TRIM25: variants seen among roughly 807,000 people sequenced by gnomAD.
The protein encoded by TRIM25 is E3 ubiquitin/ISG15 ligase TRIM25.
Under a neutral mutation model 65.2 loss-of-function variants are expected in TRIM25, and 45 were observed. That is an observed-to-expected ratio of 0.69 (90% CI 0.54 to 0.89). The LOEUF (loss-of-function observed/expected upper bound fraction) is 0.89. Ranked by LOEUF, TRIM25 falls within the 40% of genes least tolerant of loss-of-function variation. The pLI is 0.00. For missense variants in TRIM25, 714 were observed against 803.7 expected, an observed-to-expected ratio of 0.89 and a Z score of 1.35; for synonymous variants, 321 against 340.4, an observed-to-expected ratio of 0.94 and a Z score of 0.63.
chr17:56,908,989 A>G (rs749506748), intron 1 of TRIM25, among the ~76,000 whole-genome samples: 1 of 152,046 alleles, frequency 6.6e-6, no homozygotes, highest in Non-Finnish European at 1.5e-5. Context: ...CTAATTACCC[A>G]TTTTACAGCC....
Position 56,890,642 on chromosome 17 carries a change from G to C in TRIM25, c.*1058C>G. Reference sequence around the variant, plus strand: ...CCTGTCTGCATGATAGCAGGCTTCAGGGATCCAGCTTAGCTGGAGGCTTGA... The same window carrying C: ...CCTGTCTGCATGATAGCAGGCTTCACGGATCCAGCTTAGCTGGAGGCTTGA... On this transcript the variant is annotated 3_prime_UTR_variant, in exon 9 of 9. Transcript: ENST00000316881. 1 of 456,686 alleles carries C rather than the reference G, an allele frequency of 2.2e-6. No homozygotes were observed. The highest frequency in any genetic ancestry group is 4.4e-6 in the Non-Finnish European group (1 of 226,964). The allele number at this position is 456,686 out of a possible 1,614,324, so 28.3% of individuals were successfully genotyped here.
chr17:56,895,936 G>C lies in TRIM25; in HGVS notation c.1170C>G (p.Ser390=), dbSNP rs765606813. 6.2e-7 allele frequency: 1 copy of C among 1,612,508 alleles called. No homozygotes were observed. Among genetic ancestry groups the C allele is most frequent in the Admixed American group, 1.7e-5 (1 of 59,712 alleles). The change falls in exon 6 of 9, where the codon TCC becomes TCG. Residue 390 remains serine (S), a synonymous_variant. Transcript: ENST00000316881. ...AAATGCATAACTTACGAGGTTTCTT[G>C]GATTTCTTTTCCTCTTCTGCAAAAG... ...VKKVSKEEKK[S]KKPPPVPALP... is the part of the protein sequence containing the mutation.
At chr17:56,895,291 C>A in intron 8 of TRIM25, 52 bp downstream of exon 8, 1 of 1,448,502 alleles carries the variant, frequency 6.9e-7, no homozygotes, top group South Asian at 1.2e-5. Context: ...CACAGAGCGG[C>A]GCAGGAGAGA....
Position 56,891,115 on chromosome 17 carries a change from A to C in TRIM25, c.*585T>G. ...ACGCACTATTTTCCAGTGGAGGAAG[A>C]GGGTATGCCTCTTTAGGAAACTGTT... On this transcript the variant is annotated 3_prime_UTR_variant, in exon 9 of 9. Coordinates refer to ENST00000316881, the MANE Select transcript of TRIM25 (RefSeq NM_005082.5). 1 of 362,186 alleles carries C rather than the reference A, an allele frequency of 2.8e-6. No homozygotes were observed. Among genetic ancestry groups the C allele is most frequent in the African/African-American group, 2.1e-5 (1 of 46,954 alleles). 22.4% of individuals were successfully genotyped at this position (362,186 alleles called of 1,614,324 possible).
intron 4 of TRIM25, among the ~76,000 whole-genome samples, chr17:56,901,118 C>T (rs1455817474): frequency 6.6e-6 from 1 of 152,164 alleles, no homozygotes; most frequent in Admixed American, 6.5e-5. Context: ...CAATAACAAG[C>T]CCTAGCTTAT....
At position 56,913,562 on chromosome 17, in the gene TRIM25, GGTCCTGGAAGGCGGGGCT is replaced by G; in HGVS notation, c.409_426del (p.Ser137_Asp142del). The G allele has an allele frequency of 6.2e-7, 1 of 1,613,238 alleles. No homozygotes were observed. The highest frequency in any genetic ancestry group is 8.5e-7 in the Non-Finnish European group (1 of 1,179,562). ...TCGCGAACGGGCGGCTGCAGCGGGT[GGTCCTGGAAGGCGGGGCT>G]GTCGAAGTGCGGCTGCAGGTGCTCC... On this transcript the variant is annotated inframe_deletion, in exon 1 of 9. Transcript: ENST00000316881. The surrounding 1 kb of genome is among the most constrained non-coding windows in gnomAD (Gnocchi z 6.1).
intron 5 of TRIM25, among the ~76,000 whole-genome samples, chr17:56,898,692 G>C (rs754284555): frequency 6.6e-6 from 1 of 151,666 alleles, no homozygotes; most frequent in Non-Finnish European, 1.5e-5. Context: ...GCAGGAGGAG[G>C]GTAACAGTGA....
intron 2 of TRIM25, among the ~76,000 whole-genome samples, chr17:56,908,205 C>G (rs117660775): frequency 2.0e-5 from 3 of 152,282 alleles, no homozygotes; most frequent in Non-Finnish European, 2.9e-5. Flanking sequence ...ATATCATAAC[C>G]ATTTTTCTGA....
chr17:56,896,714 G>A (rs1474300010), intron 5 of TRIM25, among the ~76,000 whole-genome samples: 1 of 151,620 alleles, frequency 6.6e-6, no homozygotes, highest in Admixed American at 6.6e-5. Flanking sequence ...AATATCTGGA[G>A]TGTCTACCTA....
chr17:56,891,564 C>CCCCCCCCCCCCCCCCCCA lies in TRIM25; in HGVS notation c.*135_*136insTGGGGGGGGGGGGGGGGG. The CCCCCCCCCCCCCCCCCCA allele has an allele frequency of 1.4e-6, 1 of 697,158 alleles. No individual in the cohort carries two copies. The allele number at this position is 697,158 out of a possible 1,614,324, so 43.2% of individuals were successfully genotyped here. A position where few individuals can be genotyped will look rare whatever the true frequency, so the allele number is the denominator to read the frequency against. ...TCCTGGCTAAATCCCACCTCCCACC[C>CCCCCCCCCCCCCCCCCCA]TCCCGCCAGCTCCCCTCCCATGCTC... is the stretch of plus-strand genomic sequence containing the variant. On this transcript the variant is annotated 3_prime_UTR_variant, in exon 9 of 9. Coordinates refer to ENST00000316881, the MANE Select transcript of TRIM25 (RefSeq NM_005082.5).
intron 4 of TRIM25, 64 bp from the exon 5 acceptor site, chr17:56,899,244 G>A (rs1909362114): frequency 5.1e-6 from 8 of 1,576,526 alleles, no homozygotes; most frequent in Non-Finnish European, 6.1e-6. Flanking sequence ...AGCCAGCTTT[G>A]CCATGGGTCG....
rs776926739 is a variant in TRIM25 at position 56,899,126 on chromosome 17, T to C, written c.1142A>G (p.Lys381Arg). ...GTGGGGCTACTTACTGGAGACCTTCTTCACAGGGCGTGTGGATTTGTGTGT... is the reference window on the plus strand; with the variant it reads ...GTGGGGCTACTTACTGGAGACCTTCCTCACAGGGCGTGTGGATTTGTGTGT... ...ASTHKSTRPV[K>R]KVSKEEKKSK... is the part of the protein sequence containing the mutation. Residue 381 changes from lysine (K) to arginine (R), a missense_variant, in exon 5 of 9, where the codon AAG becomes AGG. Coordinates refer to ENST00000316881, the MANE Select transcript of TRIM25 (RefSeq NM_005082.5). 5 of 1,614,198 alleles carry C rather than the reference T, an allele frequency of 3.1e-6. No homozygotes were observed. Among genetic ancestry groups the C allele is most frequent in the Non-Finnish European group, 2.5e-6 (3 of 1,180,038 alleles).
intron 1 of TRIM25, among the ~76,000 whole-genome samples, chr17:56,911,578 C>CAA (rs34726749): frequency 2.7e-3 from 368 of 136,988 alleles, no homozygotes; most frequent in East Asian, 7.1e-3. Context: ...GACTCCAACT[C>CAA]AAAAAAAAAA....
At position 56,890,367 on chromosome 17, in the gene TRIM25, C is replaced by T. The variant is rs1909142496; in HGVS notation, c.*1333G>A. ...AGGGAAAATAGCCACTTGTGTGACC[C>T]TCTTTAGCTCTTTCCCTCCCTCCCT... On this transcript the variant is annotated 3_prime_UTR_variant, in exon 9 of 9. Coordinates refer to ENST00000316881, the MANE Select transcript of TRIM25 (RefSeq NM_005082.5). 2.9e-6 allele frequency: 1 copy of T among 348,808 alleles called. No individual in the cohort carries two copies. The highest frequency in any genetic ancestry group is 2.1e-5 in the South Asian group (1 of 47,516). 21.6% of individuals were successfully genotyped at this position (348,808 alleles called of 1,614,324 possible). A position where few individuals can be genotyped will look rare whatever the true frequency, so the allele number is the denominator to read the frequency against.
chr17:56,908,321 C>T (rs1467245486), intron 2 of TRIM25, 147 bp downstream of exon 2: 5 of 772,956 alleles, frequency 6.5e-6, no homozygotes, highest in African/African-American at 5.1e-5. Context: ...ACACAGCTGT[C>T]TGCATGCTTT....
At chr17:56,895,813 A>G in intron 6 of TRIM25, 113 bp downstream of exon 6, 1 of 1,387,300 alleles carries the variant, frequency 7.2e-7, no homozygotes, top group South Asian at 1.3e-5. Flanking sequence ...GAATGGAATC[A>G]TATAGAACCC....
chr17:56,908,465 C>T lies in TRIM25; in HGVS notation c.693+3G>A. 1 of 1,613,638 alleles carries T rather than the reference C, an allele frequency of 6.2e-7. No homozygotes were observed. ...GCTGGCCTTGGAGAGCCCTGCCACT[C>T]ACCCGCACATCCTGCTGCCTGTTTC... On this transcript the variant is annotated splice_donor_region_variant and intron_variant, in intron 2 of 8. Transcript: ENST00000316881.
At chr17:56,895,164 G>C (rs1421703851) in intron 8 of TRIM25, among the ~76,000 whole-genome samples, 179 bp downstream of exon 8, 1 of 152,228 alleles carries the variant, frequency 6.6e-6, no homozygotes, top group East Asian at 1.9e-4. Context: ...ATCTGAGCTA[G>C]TTAGGAAAAG....
In TRIM25 at chr17:56,889,429, A is replaced by G. The variant is rs889521566; in HGVS notation, c.*2271T>C. The G allele has an allele frequency of 8.1e-6, 2 of 247,108 alleles. No individual in the cohort carries two copies. Among genetic ancestry groups the G allele is most frequent in the African/African-American group, 4.4e-5 (2 of 45,226 alleles). 15.3% of individuals were successfully genotyped at this position (247,108 alleles called of 1,614,324 possible). ...CTGCAAAATGAGAAGTCAGATGGAT[A>G]CAAAGGTTCCTCCAACTCTAGGACT... On this transcript the variant is annotated 3_prime_UTR_variant, in exon 9 of 9. Transcript: ENST00000316881.
Sources: allele counts gnomAD v4.1 joint callset (sites outside exome capture counted in the v4.1 genomes callset), GRCh38; gene constraint gnomAD v4.1.1; non-coding constraint Gnocchi (gnomAD v3.1); transcripts MANE v1.5; gene names NCBI Gene and HGNC (gene_info 2026-07-23, HGNC 2026-07-21).